MAF: variants seen among roughly 807,000 people sequenced by gnomAD.
MAF encodes MAF bZIP transcription factor.
A neutral mutation model predicts 22.0 loss-of-function variants in MAF; 10 were observed. That is an observed-to-expected ratio of 0.45 (90% confidence interval 0.28 to 0.77). MAF has a LOEUF of 0.77. Among genes scored for constraint, MAF ranks in the 30% least tolerant of loss-of-function variants. The pLI, the probability that MAF is intolerant of heterozygous loss-of-function variation, is 0.12. For synonymous variants in MAF, 337 were observed against 255.8 expected (o/e 1.32, Z -3.03); for missense variants, 544 against 548.4 (o/e 0.99, Z 0.08).
the MAF span, among the ~76,000 whole-genome samples, chr16:79,531,605 G>A: frequency 1.3e-5 from 2 of 152,082 alleles, no homozygotes; most frequent in African/African-American, 4.8e-5. Context: ...TTCTCATAAG[G>A]AGGGCACAAC....
chr16:79,501,210 C>G, the MAF span, among the ~76,000 whole-genome samples: 2 of 152,202 alleles, frequency 1.3e-5, no homozygotes, highest in Non-Finnish European at 2.9e-5. Flanking sequence ...TGGGTTCTGT[C>G]TACAACACTC....
At chr16:79,567,636 C>T in the MAF span, among the ~76,000 whole-genome samples, 1 of 152,218 alleles carries the variant, frequency 6.6e-6, no homozygotes, top group Non-Finnish European at 1.5e-5. Flanking sequence ...GAAGGTGAAG[C>T]ATGGCCTCTC....
the MAF span, among the ~76,000 whole-genome samples, chr16:79,263,414 A>G: frequency 1.3e-5 from 2 of 152,232 alleles, no homozygotes; most frequent in Non-Finnish European, 2.9e-5. Flanking sequence ...AGAAGATATT[A>G]TCTTTGTTCA....
At chr16:79,319,376 C>G in the MAF span, among the ~76,000 whole-genome samples, 1 of 152,304 alleles carries the variant, frequency 6.6e-6, no homozygotes, top group Middle Eastern at 3.4e-3. Context: ...TCAATGCGCT[C>G]AGACTATTTG....
At chr16:79,445,800 T>C in the MAF span, among the ~76,000 whole-genome samples, 1 of 152,248 alleles carries the variant, frequency 6.6e-6, no homozygotes, top group Non-Finnish European at 1.5e-5. Context: ...ATTATTACAA[T>C]TGCTCCTAAA....
At chr16:79,560,865 T>G in the MAF span, among the ~76,000 whole-genome samples, 1 of 152,066 alleles carries the variant, frequency 6.6e-6, no homozygotes, top group African/African-American at 2.4e-5. Flanking sequence ...TGGCGGGAAA[T>G]AGGGGGAACA....
the MAF span, among the ~76,000 whole-genome samples, chr16:79,324,189 C>T: frequency 3.3e-5 from 5 of 152,204 alleles, no homozygotes; most frequent in African/African-American, 9.6e-5. Context: ...GCATGAGTAG[C>T]GCCCATTTCA....
chr16:79,377,443 G>A, the MAF span, among the ~76,000 whole-genome samples: 1 of 152,180 alleles, frequency 6.6e-6, no homozygotes, highest in African/African-American at 2.4e-5. Context: ...TGTCAGATGA[G>A]TAGATTGCAA....
the MAF span, among the ~76,000 whole-genome samples, chr16:79,441,715 C>T: frequency 6.6e-6 from 1 of 152,174 alleles, no homozygotes; most frequent in Non-Finnish European, 1.5e-5. Flanking sequence ...TTATTTGTTT[C>T]CTTCCATAGC....
the MAF span, among the ~76,000 whole-genome samples, chr16:79,519,307 T>C: frequency 1.3e-5 from 2 of 152,176 alleles, no homozygotes; most frequent in African/African-American, 2.4e-5. Flanking sequence ...TGGGGTATAA[T>C]GCATTCCAGC....
At chr16:79,240,504 A>C in the MAF span, among the ~76,000 whole-genome samples, 1 of 93,370 alleles carries the variant, frequency 1.1e-5, no homozygotes, top group Non-Finnish European at 1.8e-5. Flanking sequence ...AAAAAAAAAA[A>C]AAAAAAAAAA....
At chr16:79,274,041 A>C in the MAF span, among the ~76,000 whole-genome samples, 1 of 125,816 alleles carries the variant, frequency 7.9e-6, no homozygotes, top group Admixed American at 9.8e-5. Flanking sequence ...TGCAACTTCC[A>C]CCTCCCAGGT....
chr16:79,415,868 T>A, the MAF span, among the ~76,000 whole-genome samples: 3 of 151,966 alleles, frequency 2.0e-5, no homozygotes, highest in African/African-American at 7.3e-5. Flanking sequence ...TTGACAAATC[T>A]CAGCTTCCCT....
the MAF span, among the ~76,000 whole-genome samples, chr16:79,353,562 G>C: frequency 6.6e-6 from 1 of 152,130 alleles, no homozygotes; most frequent in Non-Finnish European, 1.5e-5. Flanking sequence ...CGCCGGTAGG[G>C]AGGAGCGTCA....
the MAF span, among the ~76,000 whole-genome samples, chr16:79,481,919 G>T: frequency 6.6e-6 from 1 of 152,154 alleles, no homozygotes; most frequent in Non-Finnish European, 1.5e-5. Flanking sequence ...AAGCAGGTGC[G>T]ACCTGCTCAG....
the MAF span, among the ~76,000 whole-genome samples, chr16:79,329,646 C>A: frequency 1.3e-5 from 2 of 152,118 alleles, no homozygotes; most frequent in African/African-American, 4.8e-5. Context: ...ATCTGAATAA[C>A]CCTCTAAACA....
chr16:79,273,712 T>C, the MAF span, among the ~76,000 whole-genome samples: 3 of 152,190 alleles, frequency 2.0e-5, no homozygotes, highest in African/African-American at 7.2e-5. Context: ...TGTAAAGAAC[T>C]CTTGTGAATA....
the MAF span, among the ~76,000 whole-genome samples, chr16:79,572,337 C>G: frequency 2.4e-4 from 36 of 152,278 alleles, 1 homozygote; most frequent in African/African-American, 8.7e-4. Context: ...ACCAAATCCC[C>G]ATGTAGTTCT....
At chr16:79,580,914 A>C (rs191283877), downstream of MAF, among the ~76,000 whole-genome samples, 59 of 152,280 alleles carry the variant, frequency 3.9e-4, no homozygotes, top group African/African-American at 1.4e-3. Context: ...GAGAACTTCA[A>C]GTATGTGCTA....
Sources: allele counts gnomAD v4.1 joint callset (sites outside exome capture counted in the v4.1 genomes callset), GRCh38; gene constraint gnomAD v4.1.1; transcripts MANE v1.5; gene names NCBI Gene and HGNC (gene_info 2026-07-23, HGNC 2026-07-21).